Variants in HMCN1 observed in about 807,000 individuals in gnomAD.
The protein encoded by HMCN1 is hemicentin 1.
In HMCN1, 321 loss-of-function variants were observed where a neutral mutation model predicts 625.9. The ratio of observed to expected loss-of-function variants is 0.51; its 90% confidence interval spans 0.47 to 0.56. The LOEUF (loss-of-function observed/expected upper bound fraction) is 0.56. Among genes scored for constraint, HMCN1 ranks in the 20% least tolerant of loss-of-function variants. The probability of loss-of-function intolerance (pLI) is 0.00; values close to 1 mark genes in which losing one functional copy is unlikely to be tolerated. For missense variants in HMCN1, 6,588 were observed against 6,887.3 expected (o/e 0.96, Z 1.54); for synonymous variants, 2,425 against 2,417.6 (o/e 1.00, Z -0.09).
At position 186,030,891 on chromosome 1, in the gene HMCN1, G is replaced by A. The variant is rs537984831; in HGVS notation, c.5750-7043G>A. Reference sequence around the variant, plus strand: ...AGAATCTTAATAATTATAGTATTTGGATATTTCAACAGTATACAAAAATTT... The same window carrying A: ...AGAATCTTAATAATTATAGTATTTGAATATTTCAACAGTATACAAAAATTT... On this transcript the variant is annotated intron_variant, in intron 36 of 106. Transcript: ENST00000271588. Among the ~76,000 whole-genome samples the A allele has an allele frequency of 4.0e-5, 6 of 151,420 alleles. No homozygotes were observed. The East Asian group carries it at 7.8e-4, about 20-fold the overall frequency.
intron 1 of HMCN1, among the ~76,000 whole-genome samples, chr1:185,806,637 A>G (rs57646071): frequency 0.031 from 4,657 of 150,950 alleles, 257 homozygotes; most frequent in African/African-American, 0.11. Flanking sequence ...GATTTGATCC[A>G]TTTTCGAACC....
At chr1:186,189,427 A>AGTT (rs905626630) in intron 106 of HMCN1, 85 bp from the exon 107 acceptor site, 281 of 1,510,782 alleles carry the variant, frequency 1.9e-4, no homozygotes, top group Non-Finnish European at 2.2e-4. Context: ...AGTGCCTAAA[A>AGTT]GTTGTCATGG....
At chr1:185,885,985 T>C (rs952527278) in intron 4 of HMCN1, among the ~76,000 whole-genome samples, 1 of 152,100 alleles carries the variant, frequency 6.6e-6, no homozygotes, top group African/African-American at 2.4e-5. Flanking sequence ...GATTCACCAA[T>C]TGGAAATCTA....
In HMCN1 at chr1:186,087,067, C is replaced by G. The variant is rs539027343; in HGVS notation, c.9047-150C>G. ...ATAATAAAGGAAAGATCAAAGAAAA[C>G]TGATCCAATTATTTTATTTTAAATA... On this transcript the variant is annotated intron_variant, in intron 58 of 106. Coordinates refer to ENST00000271588, the MANE Select transcript of HMCN1 (RefSeq NM_031935.3). 1,833 of 658,502 alleles carry G rather than the reference C, an allele frequency of 2.8e-3. 11 individuals carry two copies. Among genetic ancestry groups the G allele is most frequent in the Non-Finnish European group, 3.6e-3 (1,309 of 364,790 alleles). 40.8% of individuals were successfully genotyped at this position (658,502 alleles called of 1,614,324 possible).
chr1:185,765,310 A>C (rs1202133909), intron 1 of HMCN1, among the ~76,000 whole-genome samples: 2 of 152,160 alleles, frequency 1.3e-5, no homozygotes, highest in African/African-American at 4.8e-5. Context: ...AAAAGCATGA[A>C]AAACGGAGGA....
intron 1 of HMCN1, among the ~76,000 whole-genome samples, chr1:185,840,652 G>A (rs1661422088): frequency 6.6e-6 from 1 of 152,072 alleles, no homozygotes; most frequent in Non-Finnish European, 1.5e-5. Flanking sequence ...TCAGATGCTG[G>A]TTTAGCTTTC....
rs1653521161 is a variant in HMCN1 at position 186,188,802 on chromosome 1, G to T, written c.16542-710G>T. Among the ~76,000 whole-genome samples the T allele has an allele frequency of 6.6e-5, 10 of 152,214 alleles. No individual in the cohort carries two copies. In the South Asian group the frequency reaches 2.1e-3, roughly 32 times the overall value. The stretch of plus-strand genomic sequence containing the variant: ...ATTGGTCTGATGGGACATGGAATAG[G>T]AAGGAGAAAATTGAAAATACAGACT... On this transcript the variant is annotated intron_variant, in intron 106 of 106. Coordinates refer to ENST00000271588, the MANE Select transcript of HMCN1 (RefSeq NM_031935.3).
At position 185,936,767 on chromosome 1, in the gene HMCN1, A is replaced by T. The variant is rs962159413; in HGVS notation, c.1828+2943A>T. Among the ~76,000 whole-genome samples, 3 of 152,316 alleles carry T rather than the reference A, an allele frequency of 2.0e-5. No homozygotes were observed. In the East Asian group the frequency reaches 5.8e-4, roughly 29 times the overall value. On this transcript the variant is annotated intron_variant, in intron 11 of 106. Transcript: ENST00000271588. The stretch of plus-strand genomic sequence containing the variant: ...AATGTCAGTTAGAAATTTTAGAAAC[A>T]GATGGTAGCAGAGGGGAGCATCACA...
At chr1:185,778,970 A>G (rs1656836607) in intron 1 of HMCN1, among the ~76,000 whole-genome samples, 1 of 152,158 alleles carries the variant, frequency 6.6e-6, no homozygotes, top group South Asian at 2.1e-4. Flanking sequence ...CAACAGTGTA[A>G]AAGTGTTCCT....
In HMCN1 at chr1:186,001,576, C is replaced by T; in HGVS notation, c.4201-18C>T. 6.2e-7 allele frequency: 1 copy of T among 1,612,524 alleles called. No homozygotes were observed. The highest frequency in any genetic ancestry group is 8.5e-7 in the Non-Finnish European group (1 of 1,178,830). On this transcript the variant is annotated intron_variant, in intron 27 of 106. Transcript: ENST00000271588. ...TTATTAGGATTGGAAATAACACTGA[C>T]CATTTTGGCCCTTAAAGGTGACTGA...
intron 30 of HMCN1, among the ~76,000 whole-genome samples, chr1:186,011,063 C>T (rs1195917068): frequency 6.6e-6 from 1 of 151,738 alleles, no homozygotes; most frequent in Non-Finnish European, 1.5e-5. Flanking sequence ...TTGCTTTTCC[C>T]CTGAGAGGGA....
At chr1:186,125,127 TA>T (rs1268358936) in intron 81 of HMCN1, among the ~76,000 whole-genome samples, 1 of 151,852 alleles carries the variant, frequency 6.6e-6, no homozygotes, top group African/African-American at 2.4e-5. Context: ...CTGCAATAAG[TA>T]TTTTTTTTTC....
At chr1:185,973,337 TTTAAGA>T (rs1372860945) in intron 15 of HMCN1, among the ~76,000 whole-genome samples, 1 of 152,124 alleles carries the variant, frequency 6.6e-6, no homozygotes, top group Non-Finnish European at 1.5e-5. Context: ...CAGCTTAGTA[TTTAAGA>T]TTAAGCATTG....
At chr1:185,899,052 A>ATGGACACAAGTCCATTTTATTCC (rs1558050859) in intron 4 of HMCN1, among the ~76,000 whole-genome samples, 1 of 152,088 alleles carries the variant, frequency 6.6e-6, no homozygotes, top group Non-Finnish European at 1.5e-5. Context: ...AAGTCTCTAA[A>ATGGACACAAGTCCATTTTATTCC]AAGGGTAATA....
chr1:185,746,912 T>A (rs1248528399), intron 1 of HMCN1, among the ~76,000 whole-genome samples: 1 of 152,042 alleles, frequency 6.6e-6, no homozygotes, highest in African/African-American at 2.4e-5. Context: ...CAGCCAAATT[T>A]TCCTTTTTCG....
In HMCN1 at chr1:186,144,601, CAG is replaced by C. The variant is rs1194088193; in HGVS notation, c.14168_14169del (p.Arg4723AsnfsTer20). 6.2e-7 allele frequency: 1 copy of C among 1,613,960 alleles called. No individual in the cohort carries two copies. The highest frequency in any genetic ancestry group is 1.7e-5 in the Admixed American group (1 of 59,978). ...CSVSCGGGAR[Q>X]RTRGCSDPVP... ...TGTGTCATGTGGAGGAGGTGCCAGA[CAG>C]AGAACAAGGGGCTGCTCCGACCCTG... On this transcript the variant is annotated frameshift_variant, in exon 91 of 107. Coordinates refer to ENST00000271588, the MANE Select transcript of HMCN1 (RefSeq NM_031935.3). LOFTEE classifies it high-confidence loss of function.
intron 68 of HMCN1, among the ~76,000 whole-genome samples, chr1:186,095,992 C>T (rs937792654): frequency 2.0e-5 from 3 of 151,976 alleles, no homozygotes; most frequent in African/African-American, 7.2e-5. Context: ...ATATGTATTC[C>T]AGTGTTCTAA....
intron 53 of HMCN1, among the ~76,000 whole-genome samples, chr1:186,075,805 C>G (rs1658776620): frequency 6.6e-6 from 1 of 152,066 alleles, no homozygotes. Flanking sequence ...ATACATAAAA[C>G]TTTTGTACAT....
chr1:186,152,966 G>C (rs535697750), intron 96 of HMCN1, 95 bp downstream of exon 96: 3 of 1,482,364 alleles, frequency 2.0e-6, no homozygotes, highest in East Asian at 4.6e-5. Context: ...TCACTCTGTG[G>C]GGGAAAATGT....
Sources: gnomAD v4.1 joint callset for allele counts (sites outside exome capture counted in the v4.1 genomes callset) on GRCh38, gnomAD v4.1.1 for gene constraint, MANE v1.5 for transcripts, NCBI Gene and HGNC (gene_info 2026-07-23, HGNC 2026-07-21) for gene names.